Variants in SYCE1 observed in about 807,000 individuals in gnomAD.
SYCE1 encodes synaptonemal complex central element protein 1.
SYCE1 carries 37 observed loss-of-function variants against 55.1 expected under a neutral mutation model. The observed-to-expected ratio is 0.67, with a 90% CI of 0.52 to 0.88. SYCE1 has a LOEUF of 0.88. Among genes scored for constraint, SYCE1 ranks in the 40% least tolerant of loss-of-function variants. The pLI, the probability that SYCE1 is intolerant of heterozygous loss-of-function variation, is 0.00. For synonymous variants in SYCE1, 163 were observed against 159.4 expected, an observed-to-expected ratio of 1.02 and a Z score of -0.17; for missense variants, 399 against 416.4, an observed-to-expected ratio of 0.96 and a Z score of 0.36.
chr10:133,564,000 T>A (rs1048371174), intron 1 of SYCE1, among the ~76,000 whole-genome samples: 2 of 149,674 alleles, frequency 1.3e-5, no homozygotes, highest in African/African-American at 4.9e-5. Context: ...TGCTTCCTTT[T>A]TAAAACAGAT....
chr10:133,554,346 C>T (rs115149117), downstream of SYCE1: 1,252 of 1,613,580 alleles, frequency 7.8e-4, 12 homozygotes, highest in African/African-American at 0.015. Context: ...GAAAAGGGAT[C>T]GCTTTGTCAT....
downstream of SYCE1, chr10:133,554,275 A>C (rs746348887): frequency 2.5e-6 from 4 of 1,613,274 alleles, no homozygotes; most frequent in African/African-American, 4.0e-5. Context: ...AGTGCTCTGC[A>C]GTGAGCCTCT....
At chr10:133,565,605 A>G, upstream of SYCE1, 2 of 1,446,462 alleles carry the variant, frequency 1.4e-6, no homozygotes, top group East Asian at 2.5e-5. Flanking sequence ...CGCTGGGGGC[A>G]GGACTCCAGG....
chr10:133,566,612 GTA>G (rs11267394), upstream of SYCE1, among the ~76,000 whole-genome samples: 1,782 of 100,148 alleles, frequency 0.018, no homozygotes, highest in African/African-American at 0.051. Flanking sequence ...TGGGGTTAGG[GTA>G]TTGGGGTTAG....
intron 1 of SYCE1, chr10:133,564,263 T>C (rs1200432495): frequency 2.5e-6 from 1 of 398,126 alleles, no homozygotes; most frequent in Non-Finnish European, 3.4e-6. Flanking sequence ...CAGAAGTCTA[T>C]AGCCAGGAAG....
rs11101841 is a variant in SYCE1, at chr10:133,564,458, C to G, written c.73+999G>C. ...CCATGATACTGAAAGGCTAGCACAC[C>G]GGCGGGCCAGCAGGTGCTTAATGAA... is the stretch of plus-strand genomic sequence containing the variant. On this transcript the variant is annotated intron_variant, in intron 1 of 12. Coordinates refer to ENST00000343131, the MANE Select transcript of SYCE1 (RefSeq NM_001143764.3). The G allele has an allele frequency of 8.2e-6, 8 of 979,752 alleles. No individual in the cohort carries two copies. In the African/African-American group the frequency reaches 1.4e-4, roughly 17 times the overall value. The allele number at this position is 979,752 out of a possible 1,614,324, so 60.7% of individuals were successfully genotyped here.
intron 6 of SYCE1, chr10:133,557,496 G>A (rs1418873316): frequency 1.2e-5 from 6 of 481,732 alleles, no homozygotes; most frequent in South Asian, 5.4e-5. Context: ...TGGACAAATC[G>A]ATGGGTGGAT....
At chr10:133,565,411 G>A (rs1262301820) in intron 1 of SYCE1, 46 bp downstream of exon 1, 2 of 1,470,786 alleles carry the variant, frequency 1.4e-6, no homozygotes, top group Non-Finnish European at 1.8e-6. Context: ...GCCCCGCCTC[G>A]GCGAGGTCAG....
At chr10:133,554,336 G>C (rs1185600744), downstream of SYCE1, 1 of 1,613,990 alleles carries the variant, frequency 6.2e-7, no homozygotes, top group South Asian at 1.1e-5. Context: ...AGCCTGTCAA[G>C]AAAAGGGATC....
In SYCE1 at chr10:133,560,114, T is replaced by C. The variant is rs1195457862; in HGVS notation, c.113A>G (p.Glu38Gly). The change falls in exon 2 of 13, where the codon GAA (glutamate) becomes GGA (glycine). Residue 38 changes from glutamate (E) to glycine (G), a missense_variant. Coordinates refer to ENST00000343131, the MANE Select transcript of SYCE1 (RefSeq NM_001143764.3). ...ACCTTTCTGCAGCTTTTGCACCATTTCCATCAAGTCTTCAATTTTCTGTGA... is the reference window on the plus strand; with the variant it reads ...ACCTTTCTGCAGCTTTTGCACCATTCCCATCAAGTCTTCAATTTTCTGTGA... ...TSSQKIEDLM[E>G]MVQKLQKVGS... 5.6e-6 allele frequency: 9 copies of C among 1,614,090 alleles called. No homozygotes were observed. The highest frequency in any genetic ancestry group is 7.6e-6 in the Non-Finnish European group (9 of 1,179,984).
chr10:133,566,176 C>T (rs1415857392), upstream of SYCE1, among the ~76,000 whole-genome samples: 4 of 152,300 alleles, frequency 2.6e-5, no homozygotes, highest in East Asian at 3.9e-4. Flanking sequence ...CGTGGAGGCC[C>T]GGAGGGCCCT....
downstream of SYCE1, chr10:133,554,327 GC>G (rs746741026): frequency 3.1e-6 from 5 of 1,613,920 alleles, no homozygotes; most frequent in Non-Finnish European, 4.2e-6. Flanking sequence ...TGGTCTGGGA[GC>G]CTGTCAAGAA....
At chr10:133,559,615 G>A (rs1851774255) in intron 2 of SYCE1, 1 of 501,116 alleles carries the variant, frequency 2.0e-6, no homozygotes, top group Non-Finnish European at 3.6e-6. Context: ...GAGCAAAGGA[G>A]TGGGAAGTGC....
At chr10:133,566,578 C>G (rs371810048), upstream of SYCE1, among the ~76,000 whole-genome samples, 1 of 56,690 alleles carries the variant, frequency 1.8e-5, no homozygotes, top group African/African-American at 5.0e-5. Flanking sequence ...TAGGGTTTTA[C>G]GGTTAGGGTC....
upstream of SYCE1, chr10:133,568,071 TG>T: frequency 1.5e-6 from 1 of 662,994 alleles, no homozygotes; most frequent in Non-Finnish European, 2.7e-6. Context: ...GGGCCAGATG[TG>T]GTCACCGAGC....
chr10:133,564,011 A>G (rs1355350580), intron 1 of SYCE1, among the ~76,000 whole-genome samples: 1 of 152,228 alleles, frequency 6.6e-6, no homozygotes, highest in Non-Finnish European at 1.5e-5. Flanking sequence ...TAAAACAGAT[A>G]GACTAAAACT....
intron 9 of SYCE1, 27 bp downstream of exon 9, chr10:133,555,954 T>G (rs1309320566): frequency 6.2e-7 from 1 of 1,614,054 alleles, no homozygotes; most frequent in East Asian, 2.2e-5. Context: ...AGGTCAGATA[T>G]GGGCCATCCA....
At position 133,562,261 on chromosome 10, in the gene SYCE1, ATGTGTGTGTGTGTGTGTGTGTGTGTG is replaced by A. The variant is rs59050384; in HGVS notation, c.74-2134_74-2109del. The stretch of plus-strand genomic sequence containing the variant: ...CATCTTAATTAAAAGCTAACATCCA[ATGTGTGTGTGTGTGTGTGTGTGTGTG>A]TGTGTGTGTGTGTGTGTGTGTGTGT... On this transcript the variant is annotated intron_variant, in intron 1 of 12. Coordinates refer to ENST00000343131, the MANE Select transcript of SYCE1 (RefSeq NM_001143764.3). Among the ~76,000 whole-genome samples the A allele has an allele frequency of 7.7e-3, 1,095 of 143,084 alleles. 12 individuals are homozygous for A. Among genetic ancestry groups the A allele is most frequent in the African/African-American group, 0.027 (1,025 of 38,346 alleles). The allele number at this position is 143,084 out of a possible 152,430, so 93.9% of individuals were successfully genotyped here.
chr10:133,566,378 T>A (rs911580049), upstream of SYCE1, among the ~76,000 whole-genome samples: 3 of 151,338 alleles, frequency 2.0e-5, no homozygotes, highest in Non-Finnish European at 4.4e-5. Flanking sequence ...AAGGTTACCT[T>A]AGGGTTTAGG....
Sources: allele counts gnomAD v4.1 joint callset (sites outside exome capture counted in the v4.1 genomes callset), GRCh38; gene constraint gnomAD v4.1.1; transcripts MANE v1.5; gene names NCBI Gene and HGNC (gene_info 2026-07-23, HGNC 2026-07-21).